LRRC7: variants seen among roughly 807,000 people sequenced by gnomAD.
The protein encoded by LRRC7 is leucine-rich repeat-containing protein 7.
Under a neutral mutation model 175.7 loss-of-function variants are expected in LRRC7, and 23 were observed. The observed-to-expected ratio is 0.13, with a 90% confidence interval of 0.09 to 0.19. The LOEUF is 0.19. LRRC7 is among the 10% of genes least tolerant of loss of function. The pLI is 1.00. For synonymous variants in LRRC7, 685 were observed against 680.9 expected, an observed-to-expected ratio of 1.01 and a Z score of -0.09; for missense variants, 1,354 against 1,904.7, an observed-to-expected ratio of 0.71 and a Z score of 5.38.
chr1:69,908,418 CTA>C (rs1284060997), intron 7 of LRRC7, among the ~76,000 whole-genome samples: 1 of 151,844 alleles, frequency 6.6e-6, no homozygotes, highest in African/African-American at 2.4e-5. Context: ...AAATTTCCCT[CTA>C]CACACTGCTT....
chr1:69,569,608 A>G (rs1386352811), intron 1 of LRRC7, among the ~76,000 whole-genome samples: 1 of 152,036 alleles, frequency 6.6e-6, no homozygotes, highest in Non-Finnish European at 1.5e-5. Context: ...GGGGGACTGT[A>G]TAGATTGCCT....
At chr1:69,824,370 A>G (rs1679649139) in intron 4 of LRRC7, among the ~76,000 whole-genome samples, 1 of 152,192 alleles carries the variant, frequency 6.6e-6, no homozygotes. Flanking sequence ...TGACTATTTA[A>G]TGGAAGAAGT....
In LRRC7 at chr1:69,809,434, A is replaced by G. The variant is rs565678379; in HGVS notation, c.422-16314A>G. 1.1e-4 allele frequency among the ~76,000 whole-genome samples: 16 copies of G among 152,338 alleles called. No homozygotes were observed. In the South Asian group the frequency reaches 2.9e-3, roughly 28 times the overall value. On this transcript the variant is annotated intron_variant, in intron 4 of 26. Transcript: ENST00000651989. ...CCCTAACTCATTTTATGAAGCCAGC[A>G]TCATCCTGATACCAAAACCTGGCAG... is the stretch of plus-strand genomic sequence containing the variant.
At chr1:69,700,085 C>T (rs548470302) in intron 2 of LRRC7, among the ~76,000 whole-genome samples, 18 of 152,252 alleles carry the variant, frequency 1.2e-4, no homozygotes, top group African/African-American at 4.3e-4. Flanking sequence ...TCTGATCCCT[C>T]TTAAATCAGT....
At chr1:69,828,266 T>C (rs992227448) in intron 5 of LRRC7, among the ~76,000 whole-genome samples, 2 of 152,104 alleles carry the variant, frequency 1.3e-5, no homozygotes, top group Admixed American at 6.6e-5. Context: ...GAGCATATAT[T>C]TTCATTTCTA....
At chr1:69,864,131 T>G (rs550975437) in intron 7 of LRRC7, among the ~76,000 whole-genome samples, 10 of 152,218 alleles carry the variant, frequency 6.6e-5, no homozygotes, top group Non-Finnish European at 1.3e-4. Context: ...AGACTGGCTC[T>G]GCCATCCCTC....
chr1:69,943,801 T>C (rs1472961292), intron 8 of LRRC7, among the ~76,000 whole-genome samples: 9 of 151,902 alleles, frequency 5.9e-5, no homozygotes. Context: ...TGTTGACAGA[T>C]CAGATATCAG....
At chr1:69,731,489 G>A (rs1435213548) in intron 2 of LRRC7, among the ~76,000 whole-genome samples, 2 of 152,098 alleles carry the variant, frequency 1.3e-5, no homozygotes, top group Non-Finnish European at 2.9e-5. Context: ...ACTTACTATT[G>A]TTTTACCAAA....
intron 2 of LRRC7, among the ~76,000 whole-genome samples, chr1:69,726,515 T>G (rs1410904661): frequency 6.6e-6 from 1 of 152,168 alleles, no homozygotes; most frequent in African/African-American, 2.4e-5. Flanking sequence ...AGAGAATGGC[T>G]ACCAGGAACA....
chr1:69,917,671 A>G lies in LRRC7; in HGVS notation c.648-13836A>G, dbSNP rs530011371. ...GTCCCCCACAACAAACAATTATCTC[A>G]TACAAAATGTCAGTTGTGCCAAGGT... On this transcript the variant is annotated intron_variant, in intron 7 of 26. Transcript: ENST00000651989. Among the ~76,000 whole-genome samples the G allele has an allele frequency of 4.6e-5, 7 of 151,982 alleles. No individual in the cohort carries two copies. The East Asian group carries it at 1.4e-3, about 30-fold the overall frequency.
chr1:69,727,329 A>G (rs910491856), intron 2 of LRRC7, among the ~76,000 whole-genome samples: 4 of 152,208 alleles, frequency 2.6e-5, no homozygotes, highest in Non-Finnish European at 5.9e-5. Context: ...ATGAATGTGA[A>G]GAATGCTTTG....
In LRRC7 at chr1:70,074,133, C is replaced by T. The variant is rs1226785451; in HGVS notation, c.4231-1944C>T. On this transcript the variant is annotated intron_variant, in intron 23 of 26. Coordinates refer to ENST00000651989, the MANE Select transcript of LRRC7 (RefSeq NM_001370785.2). ...AGGAGAATCACTTGGACCTGGGAGA[C>T]GGAGGATGCAGTGCACCAAGATCGT... Among the ~76,000 whole-genome samples, 7 of 150,502 alleles carry T rather than the reference C, an allele frequency of 4.7e-5. No individual in the cohort carries two copies. The East Asian group carries it at 9.8e-4, about 21-fold the overall frequency.
chr1:70,019,908 A>G (rs1289458054), intron 15 of LRRC7, among the ~76,000 whole-genome samples: 1 of 151,998 alleles, frequency 6.6e-6, no homozygotes, highest in East Asian at 1.9e-4. Context: ...CAAAATATTT[A>G]ACTTCAAAAG....
Position 69,771,519 on chromosome 1 carries a change from C to A in LRRC7, c.303+11126C>A, listed in dbSNP as rs564666629. Among the ~76,000 whole-genome samples, 52 of 152,088 alleles carry A rather than the reference C, an allele frequency of 3.4e-4. 2 individuals carry two copies. The East Asian group carries it at 5.4e-3, about 16-fold the overall frequency. On this transcript the variant is annotated intron_variant, in intron 3 of 26. Coordinates refer to ENST00000651989, the MANE Select transcript of LRRC7 (RefSeq NM_001370785.2). ...CCATCATTTATTTCTAACATTTACCCAAATATCAAATATCATTAAAATCTG... is the reference window on the plus strand; with the variant it reads ...CCATCATTTATTTCTAACATTTACCAAAATATCAAATATCATTAAAATCTG...
chr1:69,971,279 A>G (rs151253942), intron 8 of LRRC7, among the ~76,000 whole-genome samples: 125 of 152,288 alleles, frequency 8.2e-4, no homozygotes, highest in Middle Eastern at 3.4e-3. Flanking sequence ...AGCCAGAGCA[A>G]TCAGACAAGA....
At chr1:69,907,410 C>G (rs1557874010) in intron 7 of LRRC7, among the ~76,000 whole-genome samples, 1 of 152,104 alleles carries the variant, frequency 6.6e-6, no homozygotes, top group Non-Finnish European at 1.5e-5. Flanking sequence ...TCATAGATAG[C>G]TCTTATTATT....
chr1:69,922,960 C>T (rs1254114674), intron 7 of LRRC7, among the ~76,000 whole-genome samples: 1 of 151,986 alleles, frequency 6.6e-6, no homozygotes, highest in East Asian at 1.9e-4. Flanking sequence ...ATCCCTATCC[C>T]TCCCCCCTCC....
rs535406765 is a variant in LRRC7, at chr1:70,093,028, G to C, written c.4545+3209G>C. Among the ~76,000 whole-genome samples the C allele has an allele frequency of 2.0e-5, 3 of 152,180 alleles. No individual in the cohort carries two copies. In the East Asian group the frequency reaches 5.8e-4, roughly 29 times the overall value. ...GAAAAACACCAGTTCATTCACCATA[G>C]AACTCATTATTTCAGTGTTCACTGT... On this transcript the variant is annotated intron_variant, in intron 25 of 26. Transcript: ENST00000651989.
intron 2 of LRRC7, among the ~76,000 whole-genome samples, chr1:69,723,808 C>T (rs1250928628): frequency 6.6e-6 from 1 of 152,038 alleles, no homozygotes; most frequent in Non-Finnish European, 1.5e-5. Context: ...TCACTGTAAC[C>T]TCACATGGTA....
Sources: allele counts gnomAD v4.1 joint callset (sites outside exome capture counted in the v4.1 genomes callset), GRCh38; gene constraint gnomAD v4.1.1; transcripts MANE v1.5; gene names NCBI Gene and HGNC (gene_info 2026-07-23, HGNC 2026-07-21).